CHADL: variants seen among roughly 807,000 people sequenced by gnomAD.
The protein encoded by CHADL is chondroadherin like.
A neutral mutation model predicts 52.1 loss-of-function variants in CHADL; 48 were observed. The observed-to-expected ratio is 0.92, with a 90% CI of 0.73 to 1.17. CHADL has a LOEUF of 1.17. CHADL is among the 50% of genes most tolerant of loss of function. CHADL has a pLI of 0.00. For synonymous variants in CHADL, 498 were observed against 511.2 expected, an observed-to-expected ratio of 0.97 and a Z score of 0.35; for missense variants, 977 against 1,035.1, an observed-to-expected ratio of 0.94 and a Z score of 0.77.
intron 3 of CHADL, 94 bp from the exon 4 acceptor site, chr22:41,236,744 G>C: frequency 7.9e-7 from 1 of 1,268,056 alleles, no homozygotes; most frequent in Non-Finnish European, 1.1e-6. Context: ...CAGCAGAAGA[G>C]AAGCTGGAGA....
intron 5 of CHADL, chr22:41,231,191 A>AG (rs550238277): frequency 5.1e-4 from 77 of 152,328 alleles, no homozygotes; most frequent in African/African-American, 1.7e-3. Context: ...ACAGAGCTGG[A>AG]GGACACATCT....
rs1367643129 is a variant in CHADL, at chr22:41,236,521, G to A, written c.2026C>T (p.Pro676Ser). ...AGCAGCTGGCAGTCACAGTGGAAGGGATTGCTGCTGAGGTCGATGAGCTCC... is the reference window on the plus strand; with the variant it reads ...AGCAGCTGGCAGTCACAGTGGAAGGAATTGCTGCTGAGGTCGATGAGCTCC... ...QLELIDLSSN[P>S]FHCDCQLLPL... Residue 676 changes from proline (P) to serine (S), a missense_variant, in exon 4 of 6, where the codon CCC (proline) becomes TCC (serine). Pro to Ser is a moderately conservative substitution (Grantham distance 74). Coordinates refer to ENST00000216241, the MANE Select transcript of CHADL (RefSeq NM_138481.2). 1.3e-6 allele frequency: 2 copies of A among 1,551,518 alleles called. No individual in the cohort carries two copies. The highest frequency in any genetic ancestry group is 2.4e-5 in the South Asian group (2 of 84,066).
At position 41,238,164 on chromosome 22, in the gene CHADL, C is replaced by A. The variant is rs1325777732; in HGVS notation, c.908G>T (p.Arg303Leu). 6.8e-7 allele frequency: 1 copy of A among 1,462,902 alleles called. No homozygotes were observed. The highest frequency in any genetic ancestry group is 9.0e-7 in the Non-Finnish European group (1 of 1,115,318). 90.6% of individuals were successfully genotyped at this position (1,462,902 alleles called of 1,614,324 possible). ...CGGATTCCCCTGCAGCCGCAGCCGG[C>A]GCAGCTGGCCCGGGCCCTGCAGCGG... The part of the protein sequence containing the change: ...LPPLQGPGQL[R>L]RLRLQGNPLW... The change falls in exon 3 of 6, where the codon CGC (arginine) becomes CTC (leucine). Residue 303 changes from arginine (R) to leucine (L), a missense_variant. By Grantham distance (102) the Arg-to-Leu change is moderately radical. Coordinates refer to ENST00000216241, the MANE Select transcript of CHADL (RefSeq NM_138481.2). This position sits in a 1 kb window ranked among gnomAD's most constrained non-coding sequence, Gnocchi z 4.9.
In CHADL at chr22:41,230,643, T is replaced by G. The variant is rs117213149; in HGVS notation, c.2263-913A>C. 108 of 208,708 alleles carry G rather than the reference T, an allele frequency of 5.2e-4. 1 individual carries two copies. In the East Asian group the frequency reaches 0.014, roughly 28 times the overall value. The allele number at this position is 208,708 out of a possible 1,614,324, so 12.9% of individuals were successfully genotyped here. ...CTGTGGAATACAAGACAGTGAACTC[T>G]GTCTGCCTGAACGAGCCATGTAAAT... On this transcript the variant is annotated intron_variant, in intron 5 of 5. Transcript: ENST00000216241.
intron 1 of CHADL, among the ~76,000 whole-genome samples, chr22:41,239,971 G>A (rs753172547): frequency 3.3e-5 from 5 of 152,154 alleles, no homozygotes; most frequent in East Asian, 1.9e-4. Context: ...GGGTAGGCTC[G>A]GAAGCAGCCT....
intron 5 of CHADL, chr22:41,230,084 C>A (rs2032483946): frequency 1.2e-6 from 1 of 804,860 alleles, no homozygotes; most frequent in Middle Eastern, 2.8e-4. Context: ...CCTCCGCCCC[C>A]ACCCCTCCCA....
chr22:41,230,421 C>A (rs2032521944), intron 5 of CHADL: 3 of 604,386 alleles, frequency 5.0e-6, no homozygotes, highest in Non-Finnish European at 8.8e-6. Context: ...CTCCTGGGAC[C>A]CGCCTGTTGC....
chr22:41,230,186 G>A (rs201362426), intron 5 of CHADL: 49 of 1,415,972 alleles, frequency 3.5e-5, no homozygotes, highest in South Asian at 1.1e-4. Context: ...GGCCTCGCCC[G>A]ACAAGGCTTC....
At position 41,229,583 on chromosome 22, in the gene CHADL, G is replaced by T; in HGVS notation, c.*121C>A. The T allele has an allele frequency of 1.2e-6, 2 of 1,613,598 alleles. No individual in the cohort carries two copies. Among genetic ancestry groups the T allele is most frequent in the Non-Finnish European group, 1.7e-6 (2 of 1,179,626 alleles). On this transcript the variant is annotated 3_prime_UTR_variant, in exon 6 of 6. Transcript: ENST00000216241. ...CTAAGACGCGACCCCTCAGACAGGG[G>T]TCCAAGAAGCCCCTGCTGGAGGACG...
intron 5 of CHADL, 65 bp from the exon 6 acceptor site, chr22:41,229,795 ACT>A: frequency 2.1e-6 from 3 of 1,420,720 alleles, no homozygotes; most frequent in South Asian, 1.2e-5. Context: ...GTCCTGTACC[ACT>A]GGACCCAGGG....
intron 5 of CHADL, among the ~76,000 whole-genome samples, chr22:41,234,544 G>C (rs2145633177): frequency 6.7e-6 from 1 of 148,546 alleles, no homozygotes; most frequent in South Asian, 2.1e-4. Flanking sequence ...ACCACGCCCA[G>C]CTAATTTTTT....
In CHADL at chr22:41,238,077, G is replaced by T; in HGVS notation, c.995C>A (p.Ser332Ter). ...CCGCGGCCCCTGGCACGCGCCGTCC[G>T]AGCGCACGCGCGCCCGCGCCAGCCA... ...LEWLARARVR[S>*]DGACQGPRRL... Residue 332 changes from serine to a stop codon, truncating the protein, a stop_gained, in exon 3 of 6, where the codon TCG becomes TAG. Transcript: ENST00000216241. LOFTEE classifies it high-confidence loss of function. This position sits in a 1 kb window ranked among gnomAD's most constrained non-coding sequence, Gnocchi z 4.9. 1 of 1,283,354 alleles carries T rather than the reference G, an allele frequency of 7.8e-7. No individual in the cohort carries two copies. Among genetic ancestry groups the T allele is most frequent in the South Asian group, 2.8e-5 (1 of 35,930 alleles). The allele number at this position is 1,283,354 out of a possible 1,614,324, so 79.5% of individuals were successfully genotyped here. A position where few individuals can be genotyped will look rare whatever the true frequency, so the allele number is the denominator to read the frequency against.
chr22:41,230,603 G>T, intron 5 of CHADL: 1 of 321,948 alleles, frequency 3.1e-6, no homozygotes, highest in South Asian at 3.3e-5. Context: ...CAGGGATGGG[G>T]CCACCACTGT....
intron 5 of CHADL, among the ~76,000 whole-genome samples, chr22:41,232,742 C>A (rs902432982): frequency 7.2e-5 from 11 of 152,122 alleles, no homozygotes; most frequent in Admixed American, 7.2e-4. Context: ...GTGTCTTTCC[C>A]TTTTAACTAA....
intron 4 of CHADL, 101 bp downstream of exon 4, chr22:41,236,383 G>T: frequency 9.2e-7 from 1 of 1,086,964 alleles, no homozygotes; most frequent in Non-Finnish European, 1.3e-6. Context: ...CCCACAAGCT[G>T]CTCGGATGGG....
chr22:41,235,239 G>A lies in CHADL; in HGVS notation c.2168C>T (p.Pro723Leu), dbSNP rs768296960. The change falls in exon 5 of 6, where the codon CCG becomes CTG. Residue 723 changes from proline (P) to leucine (L), a missense_variant. Transcript: ENST00000216241. ...CTTGGCCTTTCTGGCAGCCCAGCCC[G>A]GGCAGTCTTCAAAGACAGCAGCTGC... Reference protein sequence around the residue: ...KAAAAVFEDCPGWAARKAKRT... With the variant: ...KAAAAVFEDCLGWAARKAKRT... 2.4e-5 allele frequency: 38 copies of A among 1,551,192 alleles called. No homozygotes were observed. Among genetic ancestry groups the A allele is most frequent in the South Asian group, 1.8e-4 (15 of 84,066 alleles).
In CHADL at chr22:41,233,062, C is replaced by A. The variant is rs377077678; in HGVS notation, c.2262+2083G>T. ...AAAGGCTGGATCCCTAACCCCAGTACCTCAGAGTATGACCTTACTTGGAAA... is the reference window on the plus strand; with the variant it reads ...AAAGGCTGGATCCCTAACCCCAGTAACTCAGAGTATGACCTTACTTGGAAA... On this transcript the variant is annotated intron_variant, in intron 5 of 5. Transcript: ENST00000216241. Among the ~76,000 whole-genome samples the A allele has an allele frequency of 2.8e-4, 42 of 152,190 alleles. No homozygotes were observed. In the South Asian group the frequency reaches 8.1e-3, roughly 29 times the overall value.
rs545652941 is a variant in CHADL at position 41,234,593 on chromosome 22, G to A, written c.2262+552C>T. On this transcript the variant is annotated intron_variant, in intron 5 of 5. Coordinates refer to ENST00000216241, the MANE Select transcript of CHADL (RefSeq NM_138481.2). Reference sequence around the variant, plus strand: ...GAGTGTTTTTGAGTCTTGCTCTGTCGCCCAGGCTGGAGTGCAGTGGTGAGA... The same window carrying A: ...GAGTGTTTTTGAGTCTTGCTCTGTCACCCAGGCTGGAGTGCAGTGGTGAGA... 3.5e-5 allele frequency among the ~76,000 whole-genome samples: 5 copies of A among 144,784 alleles called. No individual in the cohort carries two copies. The South Asian group carries it at 6.6e-4, about 19-fold the overall frequency. The allele number at this position is 144,784 out of a possible 152,430, so 95.0% of individuals were successfully genotyped here.
chr22:41,235,763 C>G (rs1177479008), intron 4 of CHADL, among the ~76,000 whole-genome samples: 1 of 152,180 alleles, frequency 6.6e-6, no homozygotes, highest in African/African-American at 2.4e-5. Flanking sequence ...GATACTACAT[C>G]CCCCCTTTTT....
Sources: allele counts gnomAD v4.1 joint callset (sites outside exome capture counted in the v4.1 genomes callset), GRCh38; gene constraint gnomAD v4.1.1; non-coding constraint Gnocchi (gnomAD v3.1); transcripts MANE v1.5; gene names NCBI Gene and HGNC (gene_info 2026-07-23, HGNC 2026-07-21).